Variants in PGS1 observed in about 807,000 individuals in gnomAD.
The protein encoded by PGS1 is CDP-diacylglycerol--glycerol-3-phosphate 3-phosphatidyltransferase, mitochondrial.
PGS1 carries 44 observed loss-of-function variants against 58.3 expected under a neutral mutation model. The observed-to-expected ratio is 0.75, with a 90% CI of 0.59 to 0.97. PGS1 has a LOEUF of 0.97. Ranked by LOEUF, PGS1 falls within the 50% of genes least tolerant of loss-of-function variation. The probability of loss-of-function intolerance (pLI) is 0.00; values close to 1 mark genes in which losing one functional copy is unlikely to be tolerated. For synonymous variants in PGS1, 330 were observed against 311.0 expected (o/e 1.06, Z -0.64); for missense variants, 684 against 731.1 (o/e 0.94, Z 0.74).
chr17:78,413,936 C>T (rs1390241287), intron 7 of PGS1, among the ~76,000 whole-genome samples: 1 of 152,254 alleles, frequency 6.6e-6, no homozygotes, highest in African/African-American at 2.4e-5. Context: ...AGTGGCACCC[C>T]GTGCCCTGCT....
chr17:78,415,547 G>T (rs372984682), intron 8 of PGS1, among the ~76,000 whole-genome samples: 2 of 152,200 alleles, frequency 1.3e-5, no homozygotes, highest in African/African-American at 2.4e-5. Flanking sequence ...CAGGAGAATC[G>T]CTTGAACCTA....
At chr17:78,417,220 T>C (rs1308439576) in intron 8 of PGS1, among the ~76,000 whole-genome samples, 1 of 152,220 alleles carries the variant, frequency 6.6e-6, no homozygotes, top group Non-Finnish European at 1.5e-5. Flanking sequence ...TAAGTGTTTC[T>C]GGTAATTTAG....
intron 8 of PGS1, among the ~76,000 whole-genome samples, chr17:78,418,620 CTT>C (rs1165071579): frequency 6.6e-6 from 1 of 152,100 alleles, no homozygotes; most frequent in African/African-American, 2.4e-5. Context: ...CCAGTTTTTC[CTT>C]GTTATAAATA....
chr17:78,397,589 A>C (rs78997220), intron 3 of PGS1, among the ~76,000 whole-genome samples: 12 of 129,670 alleles, frequency 9.3e-5, no homozygotes, highest in African/African-American at 2.3e-4. Flanking sequence ...GGCATGCGCC[A>C]CCCCCCCAGC....
chr17:78,386,966 ATGATGATGATGATGGTGATGATGG>A (rs1336088150), intron 1 of PGS1, among the ~76,000 whole-genome samples: 1 of 146,200 alleles, frequency 6.8e-6, no homozygotes, highest in Admixed American at 6.7e-5. Context: ...GATGATGATG[ATGATGATGATGATGGTGATGATGG>A]TGATGATGAT....
intron 6 of PGS1, among the ~76,000 whole-genome samples, chr17:78,402,962 A>G (rs1431545067): frequency 6.6e-6 from 1 of 152,166 alleles, no homozygotes; most frequent in African/African-American, 2.4e-5. Flanking sequence ...GCAGAGCCTG[A>G]GCCTGCCCGT....
chr17:78,401,209 T>C (rs1295008946), intron 6 of PGS1, among the ~76,000 whole-genome samples: 1 of 151,662 alleles, frequency 6.6e-6, no homozygotes, highest in Non-Finnish European at 1.5e-5. Context: ...AGCAGGGGGG[T>C]GACAAACTCA....
intron 1 of PGS1, among the ~76,000 whole-genome samples, chr17:78,384,083 A>G (rs1029306446): frequency 6.6e-6 from 1 of 152,224 alleles, no homozygotes; most frequent in African/African-American, 2.4e-5. Flanking sequence ...TTGGCCACCC[A>G]GGCTGTATTG....
intron 8 of PGS1, among the ~76,000 whole-genome samples, chr17:78,415,999 T>G (rs1437777804): frequency 6.6e-6 from 1 of 152,234 alleles, no homozygotes; most frequent in Admixed American, 6.5e-5. Flanking sequence ...GAATAACTGT[T>G]GCAAAATTGT....
At chr17:78,419,701 G>A (rs1482122276) in intron 9 of PGS1, 26 bp downstream of exon 9, 1 of 1,611,194 alleles carries the variant, frequency 6.2e-7, no homozygotes, top group East Asian at 2.2e-5. Context: ...TCACCTCTCA[G>A]CACGATTTTC....
chr17:78,419,778 T>G, intron 9 of PGS1, 103 bp downstream of exon 9: 1 of 1,562,030 alleles, frequency 6.4e-7, no homozygotes, highest in Non-Finnish European at 8.7e-7. Context: ...GGCTCTTTGA[T>G]CCCTTTCTCA....
rs983012056 is a variant in PGS1, at chr17:78,418,015, T to C, written c.1552-1531T>C. On this transcript the variant is annotated intron_variant, in intron 8 of 9. Coordinates refer to ENST00000262764, the MANE Select transcript of PGS1 (RefSeq NM_024419.5). ...CACGATCTCGGCTCACTGTAACCTC[T>C]GCCTCCCGGGTTCAAGCGATTCTCC... Among the ~76,000 whole-genome samples, 17 of 150,722 alleles carry C rather than the reference T, an allele frequency of 1.1e-4. No homozygotes were observed. The South Asian group carries it at 2.3e-3, about 21-fold the overall frequency.
Position 78,407,586 on chromosome 17 carries a change from A to G in PGS1, c.1402+3497A>G, listed in dbSNP as rs73998895. ...AGAAAATTCCTGCCGGTGGCTATGCACTGATACCTCCACTCCCTTACTCAG... is the reference window on the plus strand; with the variant it reads ...AGAAAATTCCTGCCGGTGGCTATGCGCTGATACCTCCACTCCCTTACTCAG... On this transcript the variant is annotated intron_variant, in intron 7 of 9. Transcript: ENST00000262764. Among the ~76,000 whole-genome samples, 530 of 152,294 alleles carry G rather than the reference A, an allele frequency of 3.5e-3. 1 individual carries two copies. The highest frequency in any genetic ancestry group is 0.012 in the African/African-American group (511 of 41,566).
chr17:78,387,095 C>G (rs1434814019), intron 1 of PGS1, among the ~76,000 whole-genome samples: 2 of 152,328 alleles, frequency 1.3e-5, no homozygotes, highest in Admixed American at 1.3e-4. Context: ...CCTCCATCTT[C>G]CAGGTTCAAC....
intron 7 of PGS1, among the ~76,000 whole-genome samples, chr17:78,408,803 C>T (rs2084377219): frequency 6.6e-6 from 1 of 152,196 alleles, no homozygotes; most frequent in African/African-American, 2.4e-5. Flanking sequence ...TTTCCTGTTG[C>T]CTGGCCCTCG....
intron 6 of PGS1, 76 bp from the exon 7 acceptor site, chr17:78,403,492 G>A: frequency 6.8e-7 from 1 of 1,464,710 alleles, no homozygotes; most frequent in Non-Finnish European, 9.4e-7. Flanking sequence ...CCTATCACAT[G>A]CCCTGTCCCC....
intron 9 of PGS1, chr17:78,421,613 TAGAC>T (rs2085752247): frequency 6.6e-6 from 1 of 152,280 alleles, no homozygotes; most frequent in Admixed American, 6.5e-5. Flanking sequence ...GTGGGACAAT[TAGAC>T]TGGAGGAGCC....
chr17:78,424,422 CATCTGTCAGCCTT>C lies in PGS1; in HGVS notation c.*374_*386del, dbSNP rs1369324508. On this transcript the variant is annotated 3_prime_UTR_variant, in exon 10 of 10. Transcript: ENST00000262764. ...TAAATCTGTGGCATTTTCAGAGCCT[CATCTGTCAGCCTT>C]AATGTCAGTGGCAGGAAGTCATAAC... is the stretch of plus-strand genomic sequence containing the variant. 1.2e-5 allele frequency: 5 copies of C among 422,804 alleles called. No individual in the cohort carries two copies. The highest frequency in any genetic ancestry group is 2.1e-5 in the Non-Finnish European group (5 of 234,766). The allele number at this position is 422,804 out of a possible 1,614,324, so 26.2% of individuals were successfully genotyped here. A position where few individuals can be genotyped will look rare whatever the true frequency, so the allele number is the denominator to read the frequency against.
At chr17:78,420,085 G>C in intron 9 of PGS1, 9 of 1,056,392 alleles carry the variant, frequency 8.5e-6, no homozygotes, top group Non-Finnish European at 1.0e-5. Context: ...AGGGGAGCAC[G>C]TTTGCTCGTG....
Sources: allele counts gnomAD v4.1 joint callset (sites outside exome capture counted in the v4.1 genomes callset), GRCh38; gene constraint gnomAD v4.1.1; transcripts MANE v1.5; gene names NCBI Gene and HGNC (gene_info 2026-07-23, HGNC 2026-07-21).